ZCCHC7: variants seen among roughly 807,000 people sequenced by gnomAD.
ZCCHC7 encodes zinc finger CCHC-type containing 7.
In ZCCHC7, 35 loss-of-function variants were observed where a neutral mutation model predicts 52.0. That is an observed-to-expected ratio of 0.67 (90% confidence interval 0.51 to 0.89). ZCCHC7 has a LOEUF of 0.89. Ranked by LOEUF, ZCCHC7 falls within the 40% of genes least tolerant of loss-of-function variation. ZCCHC7 has a pLI of 0.00. For missense variants in ZCCHC7, 574 were observed against 649.1 expected, an observed-to-expected ratio of 0.88 and a Z score of 1.26; for synonymous variants, 217 against 221.5, an observed-to-expected ratio of 0.98 and a Z score of 0.18.
rs59159340 is a variant in ZCCHC7 at position 37,184,722 on chromosome 9, A to G, written c.610+57780A>G. On this transcript the variant is annotated intron_variant, in intron 2 of 8. Transcript: ENST00000336755. ...TTGTTGTTGTTGTTGTTGTTGTTGA[A>G]GTTCAGGCTGCATGTGGGATAGGTT... is the stretch of plus-strand genomic sequence containing the variant. Among the ~76,000 whole-genome samples the G allele has an allele frequency of 4.6e-3, 652 of 142,744 alleles. 3 individuals are homozygous for G. The highest frequency in any genetic ancestry group is 0.017 in the African/African-American group (624 of 36,614). The allele number at this position is 142,744 out of a possible 152,430, so 93.6% of individuals were successfully genotyped here.
At chr9:37,132,723 C>T (rs1842838506) in intron 2 of ZCCHC7, among the ~76,000 whole-genome samples, 1 of 152,230 alleles carries the variant, frequency 6.6e-6, no homozygotes, top group Non-Finnish European at 1.5e-5. Flanking sequence ...AACCTATTTA[C>T]ATCCTCTCGT....
chr9:37,234,456 GATT>G (rs1167610993), intron 2 of ZCCHC7, among the ~76,000 whole-genome samples: 26 of 152,320 alleles, frequency 1.7e-4, no homozygotes, highest in Admixed American at 7.2e-4. Flanking sequence ...GTTCAGCTTG[GATT>G]ATTCCTGGTC....
intron 2 of ZCCHC7, among the ~76,000 whole-genome samples, chr9:37,155,265 G>C (rs1820757081): frequency 6.6e-6 from 1 of 152,088 alleles, no homozygotes; most frequent in Non-Finnish European, 1.5e-5. Context: ...GGAGGCTGAG[G>C]CGGGAGAATG....
At chr9:37,271,708 T>C (rs886179657) in intron 2 of ZCCHC7, among the ~76,000 whole-genome samples, 26 of 152,150 alleles carry the variant, frequency 1.7e-4, no homozygotes, top group East Asian at 1.9e-4. Flanking sequence ...TAGCTGGGAC[T>C]GTGGGGGTGC....
intron 6 of ZCCHC7, among the ~76,000 whole-genome samples, chr9:37,339,033 A>G (rs1018606613): frequency 6.6e-6 from 1 of 152,200 alleles, no homozygotes; most frequent in African/African-American, 2.4e-5. Context: ...TGTTGGGTAC[A>G]TGACATGGTT....
chr9:37,161,730 C>T (rs776673234), intron 2 of ZCCHC7, among the ~76,000 whole-genome samples: 1 of 152,086 alleles, frequency 6.6e-6, no homozygotes, highest in African/African-American at 2.4e-5. Context: ...CTATAGTATA[C>T]GGAATATTAT....
chr9:37,248,356 A>C (rs564105297), intron 2 of ZCCHC7, among the ~76,000 whole-genome samples: 2 of 152,354 alleles, frequency 1.3e-5, no homozygotes, highest in East Asian at 3.9e-4. Flanking sequence ...AATTAAAGTA[A>C]TTTAAAATGG....
At chr9:37,149,944 A>T (rs1209107775) in intron 2 of ZCCHC7, among the ~76,000 whole-genome samples, 1 of 152,248 alleles carries the variant, frequency 6.6e-6, no homozygotes. Flanking sequence ...CCAAAGATAC[A>T]TCACTGCTTG....
At chr9:37,245,736 T>C (rs1416850403) in intron 2 of ZCCHC7, among the ~76,000 whole-genome samples, 1 of 152,046 alleles carries the variant, frequency 6.6e-6, no homozygotes, top group Non-Finnish European at 1.5e-5. Context: ...CTTATCTGAT[T>C]TCCCAAAACT....
intron 8 of ZCCHC7, among the ~76,000 whole-genome samples, chr9:37,356,530 T>A (rs994307236): frequency 6.6e-6 from 1 of 152,256 alleles, no homozygotes; most frequent in African/African-American, 2.4e-5. Flanking sequence ...AAACTCGTAT[T>A]GGTCAGACAT....
At chr9:37,235,225 G>C (rs1166788316) in intron 2 of ZCCHC7, among the ~76,000 whole-genome samples, 1 of 152,106 alleles carries the variant, frequency 6.6e-6, no homozygotes, top group Admixed American at 6.5e-5. Context: ...CTATCCATCT[G>C]TTCTTTTATA....
At chr9:37,268,056 A>G (rs924519613) in intron 2 of ZCCHC7, among the ~76,000 whole-genome samples, 1 of 152,034 alleles carries the variant, frequency 6.6e-6, no homozygotes, top group Non-Finnish European at 1.5e-5. Context: ...CTCTTTCTCT[A>G]AGCCCTATTA....
Position 37,253,525 on chromosome 9 carries a change from C to T in ZCCHC7, c.611-48663C>T, listed in dbSNP as rs542982117. Among the ~76,000 whole-genome samples the T allele has an allele frequency of 9.9e-5, 15 of 151,926 alleles. No homozygotes were observed. In the South Asian group the frequency reaches 2.7e-3, roughly 27 times the overall value. ...GATGTGACTGAAACACATGGTAAACCGAATGACCTTGAAGAAGAAAAGAAC... is the reference window on the plus strand; with the variant it reads ...GATGTGACTGAAACACATGGTAAACTGAATGACCTTGAAGAAGAAAAGAAC... On this transcript the variant is annotated intron_variant, in intron 2 of 8. Transcript: ENST00000336755.
At chr9:37,313,179 G>A (rs1020211200) in intron 5 of ZCCHC7, among the ~76,000 whole-genome samples, 1 of 152,172 alleles carries the variant, frequency 6.6e-6, no homozygotes, top group African/African-American at 2.4e-5. Context: ...ACATTTTAAT[G>A]TTATTTATAG....
intron 2 of ZCCHC7, among the ~76,000 whole-genome samples, chr9:37,283,185 G>A (rs1274133137): frequency 6.6e-6 from 1 of 152,102 alleles, no homozygotes; most frequent in African/African-American, 2.4e-5. Context: ...AATATTGACA[G>A]CACAATACTT....
intron 6 of ZCCHC7, among the ~76,000 whole-genome samples, chr9:37,346,039 G>C (rs1013683617): frequency 1.3e-5 from 2 of 152,058 alleles, no homozygotes; most frequent in Non-Finnish European, 2.9e-5. Context: ...TTTCGCTCTT[G>C]TTGCCCAGGC....
chr9:37,354,632 A>T lies in ZCCHC7; in HGVS notation c.1084-78A>T. 9.9e-7 allele frequency: 1 copy of T among 1,007,488 alleles called. No individual in the cohort carries two copies. The highest frequency in any genetic ancestry group is 1.5e-6 in the Non-Finnish European group (1 of 660,476). 62.4% of individuals were successfully genotyped at this position (1,007,488 alleles called of 1,614,324 possible). A position where few individuals can be genotyped will look rare whatever the true frequency, so the allele number is the denominator to read the frequency against. ...AGTGACATGGGGCTCATTTCTAATTAACATGCTCCAGAATCTTGCAAAAAG... is the reference window on the plus strand; with the variant it reads ...AGTGACATGGGGCTCATTTCTAATTTACATGCTCCAGAATCTTGCAAAAAG... On this transcript the variant is annotated intron_variant, in intron 7 of 8. Transcript: ENST00000336755. The surrounding 1 kb of genome is among the most constrained non-coding windows in gnomAD (Gnocchi z 4.0).
chr9:37,164,774 C>T (rs746166079), intron 2 of ZCCHC7, among the ~76,000 whole-genome samples: 4 of 152,044 alleles, frequency 2.6e-5, no homozygotes, highest in African/African-American at 9.7e-5. Context: ...CTCTGTGGTC[C>T]AGGCTGGTCC....
At chr9:37,161,919 T>C (rs903176312) in intron 2 of ZCCHC7, among the ~76,000 whole-genome samples, 2 of 152,164 alleles carry the variant, frequency 1.3e-5, no homozygotes, top group African/African-American at 4.8e-5. Flanking sequence ...GCCAGATTAC[T>C]TGAGCCCAAG....
Sources: gnomAD v4.1 joint callset for allele counts (sites outside exome capture counted in the v4.1 genomes callset) on GRCh38, gnomAD v4.1.1 for gene constraint, Gnocchi (gnomAD v3.1) non-coding constraint, MANE v1.5 for transcripts, NCBI Gene and HGNC (gene_info 2026-07-23, HGNC 2026-07-21) for gene names.